Variants in ADGRB3 observed in about 807,000 individuals in gnomAD.
ADGRB3 encodes brain-specific angiogenesis inhibitor 3.
In ADGRB3, 37 loss-of-function variants were observed where a neutral mutation model predicts 193.4. The observed-to-expected ratio is 0.19, with a 90% CI of 0.15 to 0.25. The LOEUF (loss-of-function observed/expected upper bound fraction) is 0.25, where lower values mean the gene tolerates loss of function less well. Among genes scored for constraint, ADGRB3 ranks in the 10% least tolerant of loss-of-function variants. ADGRB3 has a pLI of 1.00. For missense variants in ADGRB3, 1,637 were observed against 1,852.9 expected (o/e 0.88, Z 2.14); for synonymous variants, 690 against 644.2 (o/e 1.07, Z -1.08).
At chr6:69,333,672 G>T (rs763674619) in intron 24 of ADGRB3, among the ~76,000 whole-genome samples, 1 of 150,534 alleles carries the variant, frequency 6.6e-6, no homozygotes, top group Non-Finnish European at 1.5e-5. Context: ...ATATCTGGCC[G>T]GGCACGGTGG....
rs1211522956 is a variant in ADGRB3, at chr6:68,761,763, T to C, written c.757+122331T>C. On this transcript the variant is annotated intron_variant, in intron 3 of 31. Coordinates refer to ENST00000370598, the MANE Select transcript of ADGRB3 (RefSeq NM_001704.3). ...GTTTTTAAACAGGACAATGCAAATA[T>C]GTTTTACTATTAGGTTTTCTACTCA... 2.8e-5 allele frequency among the ~76,000 whole-genome samples: 4 copies of C among 144,634 alleles called. No individual in the cohort carries two copies. The East Asian group carries it at 7.7e-4, about 28-fold the overall frequency. The allele number at this position is 144,634 out of a possible 152,430, so 94.9% of individuals were successfully genotyped here. A position where few individuals can be genotyped will look rare whatever the true frequency, so the allele number is the denominator to read the frequency against.
intron 3 of ADGRB3, among the ~76,000 whole-genome samples, chr6:68,790,291 T>C (rs1419967316): frequency 6.6e-6 from 1 of 152,120 alleles, no homozygotes; most frequent in Admixed American, 6.6e-5. Flanking sequence ...TTGAGTTAGT[T>C]GTTTGTTTAG....
intron 13 of ADGRB3, among the ~76,000 whole-genome samples, chr6:69,022,079 A>G (rs928587663): frequency 2.0e-5 from 3 of 151,858 alleles, no homozygotes; most frequent in East Asian, 1.9e-4. Flanking sequence ...TATGACATCT[A>G]AAATAAACAC....
intron 20 of ADGRB3, among the ~76,000 whole-genome samples, chr6:69,243,530 A>G (rs62406857): frequency 0.047 from 7,178 of 152,096 alleles, 230 homozygotes; most frequent in Non-Finnish European, 0.072. Flanking sequence ...ATAGGCCACA[A>G]TGGAATCTTA....
rs184672122 is a variant in ADGRB3 at position 68,697,197 on chromosome 6, G to T, written c.757+57765G>T. Among the ~76,000 whole-genome samples the T allele has an allele frequency of 5.9e-5, 9 of 152,048 alleles. 1 individual carries two copies. The East Asian group carries it at 1.7e-3, about 29-fold the overall frequency. ...TGGAAGGGCATTATTTTTGCATTTT[G>T]TTGACAAAAGCAAATTTCATAAATA... is the stretch of plus-strand genomic sequence containing the variant. On this transcript the variant is annotated intron_variant, in intron 3 of 31. Transcript: ENST00000370598.
At chr6:68,962,858 C>G (rs1253477343) in intron 8 of ADGRB3, among the ~76,000 whole-genome samples, 6 of 152,062 alleles carry the variant, frequency 3.9e-5, no homozygotes, top group Non-Finnish European at 7.4e-5. Flanking sequence ...CTAAGACTGC[C>G]CCAGCACTCT....
At chr6:68,767,196 T>C (rs573267466) in intron 3 of ADGRB3, among the ~76,000 whole-genome samples, 83 of 152,256 alleles carry the variant, frequency 5.5e-4, no homozygotes, top group Admixed American at 5.9e-4. Flanking sequence ...GCCAAATCAA[T>C]TTTTTAAGTT....
At chr6:68,771,323 C>T (rs1766612441) in intron 3 of ADGRB3, among the ~76,000 whole-genome samples, 1 of 151,764 alleles carries the variant, frequency 6.6e-6, no homozygotes, top group South Asian at 2.1e-4. Context: ...TTAAAGTTGA[C>T]TCACCATTTA....
At chr6:69,298,437 A>G (rs1023684504) in intron 20 of ADGRB3, among the ~76,000 whole-genome samples, 2 of 152,068 alleles carry the variant, frequency 1.3e-5, no homozygotes, top group African/African-American at 4.8e-5. Flanking sequence ...ACAATAAATT[A>G]TTGTTAACTA....
At chr6:68,846,094 G>A (rs1440540888) in intron 3 of ADGRB3, among the ~76,000 whole-genome samples, 3 of 152,180 alleles carry the variant, frequency 2.0e-5, no homozygotes, top group Non-Finnish European at 4.4e-5. Flanking sequence ...CTCTTGCTAT[G>A]TTTTAGCAAA....
Position 69,355,813 on chromosome 6 carries a change from T to C in ADGRB3, c.3556-8T>C. On this transcript the variant is annotated splice_polypyrimidine_tract_variant and splice_region_variant and intron_variant, in intron 27 of 31. Coordinates refer to ENST00000370598, the MANE Select transcript of ADGRB3 (RefSeq NM_001704.3). ...GATGGTTCTATGTCTTATTATTTAT[T>C]GTTACAGACAGACTTTGAAAAGGAT... The C allele has an allele frequency of 1.2e-6, 2 of 1,603,182 alleles. No individual in the cohort carries two copies. Among genetic ancestry groups the C allele is most frequent in the South Asian group, 2.2e-5 (2 of 90,562 alleles).
At chr6:68,647,011 T>C (rs1045936784) in intron 3 of ADGRB3, among the ~76,000 whole-genome samples, 1 of 152,192 alleles carries the variant, frequency 6.6e-6, no homozygotes, top group Non-Finnish European at 1.5e-5. Context: ...AGGATTTCCG[T>C]ATTTCATGTG....
At chr6:69,283,342 A>G (rs1767477290) in intron 20 of ADGRB3, among the ~76,000 whole-genome samples, 1 of 152,186 alleles carries the variant, frequency 6.6e-6, no homozygotes, top group African/African-American at 2.4e-5. Flanking sequence ...TGGGGCCTGC[A>G]GACAATTTCA....
chr6:68,641,236 A>C (rs1353153526), intron 3 of ADGRB3, among the ~76,000 whole-genome samples: 1 of 152,168 alleles, frequency 6.6e-6, no homozygotes, highest in Non-Finnish European at 1.5e-5. Context: ...ACTCTTTTAT[A>C]TGAAAGGTGG....
chr6:69,137,776 G>A (rs968386829), intron 17 of ADGRB3, among the ~76,000 whole-genome samples: 5 of 152,064 alleles, frequency 3.3e-5, no homozygotes, highest in Non-Finnish European at 7.4e-5. Flanking sequence ...CAGCCTGGGC[G>A]ACAGAGCAAG....
chr6:68,692,176 T>A (rs1765087352), intron 3 of ADGRB3, among the ~76,000 whole-genome samples: 1 of 151,860 alleles, frequency 6.6e-6, no homozygotes, highest in African/African-American at 2.4e-5. Context: ...CCTAGAAAAT[T>A]TAGGATAAAC....
intron 3 of ADGRB3, among the ~76,000 whole-genome samples, chr6:68,696,277 G>C (rs1765156612): frequency 1.3e-5 from 2 of 151,904 alleles, no homozygotes; most frequent in South Asian, 4.1e-4. Flanking sequence ...ATTAAAAGCT[G>C]AATGTATTTT....
At chr6:69,095,830 A>G (rs1433127920) in intron 17 of ADGRB3, among the ~76,000 whole-genome samples, 1 of 151,608 alleles carries the variant, frequency 6.6e-6, no homozygotes, top group African/African-American at 2.4e-5. Context: ...CACACACACA[A>G]CCCTCTTGCT....
intron 3 of ADGRB3, among the ~76,000 whole-genome samples, chr6:68,783,998 A>T (rs943217520): frequency 4.0e-4 from 61 of 152,044 alleles, no homozygotes; most frequent in Non-Finnish European, 1.5e-5. Context: ...GAGACTGGAG[A>T]TATTTGAGAG....
Sources: gnomAD v4.1 joint callset for allele counts (sites outside exome capture counted in the v4.1 genomes callset) on GRCh38, gnomAD v4.1.1 for gene constraint, MANE v1.5 for transcripts, NCBI Gene and HGNC (gene_info 2026-07-23, HGNC 2026-07-21) for gene names.